LPAR3: variants seen among roughly 807,000 people sequenced by gnomAD.
LPAR3 encodes lysophosphatidic acid receptor 3.
LPAR3 carries 7 observed loss-of-function variants against 17.8 expected under a neutral mutation model. That is an observed-to-expected ratio of 0.39 (90% CI 0.22 to 0.74). LPAR3 has a LOEUF of 0.74. Ranked by LOEUF, LPAR3 falls within the 30% of genes least tolerant of loss-of-function variation. LPAR3 has a pLI of 0.40. For missense variants in LPAR3, 391 were observed against 453.4 expected (o/e 0.86, Z 1.25); for synonymous variants, 179 against 179.9 (o/e 0.99, Z 0.04).
chr1:84,835,431 G>A (rs563703298), intron 2 of LPAR3, among the ~76,000 whole-genome samples: 3 of 152,134 alleles, frequency 2.0e-5, no homozygotes, highest in Non-Finnish European at 4.4e-5. Context: ...CATCTTTGTG[G>A]AGTTGTGATT....
chr1:84,820,443 C>T (rs1298388517), intron 2 of LPAR3, among the ~76,000 whole-genome samples: 3 of 152,156 alleles, frequency 2.0e-5, no homozygotes, highest in East Asian at 1.9e-4. Flanking sequence ...GGGTCTCAGT[C>T]GAAGTGACAC....
At position 84,814,080 on chromosome 1, in the gene LPAR3, C is replaced by T; in HGVS notation, c.828G>A (p.Arg276=). 6.2e-7 allele frequency: 1 copy of T among 1,614,180 alleles called. No homozygotes were observed. The highest frequency in any genetic ancestry group is 8.5e-7 in the Non-Finnish European group (1 of 1,180,036). Residue 276 remains arginine (R), a synonymous_variant, in exon 3 of 3, where the codon AGG becomes AGA. Transcript: ENST00000370611. ...CRQCGVQHVK[R]WFLLLALLNS... is the part of the protein sequence containing the mutation. The stretch of plus-strand genomic sequence containing the variant: ...TGAGCAGCGCCAGCAGCAGGAACCA[C>T]CTTTTCACATGCTGCACGCCACACT...
chr1:84,863,688 C>A (rs554169215), intron 2 of LPAR3, among the ~76,000 whole-genome samples: 42 of 152,186 alleles, frequency 2.8e-4, no homozygotes, highest in Non-Finnish European at 5.3e-4. Flanking sequence ...ATCTCCAGCC[C>A]AGACCTAAAT....
chr1:84,855,047 G>A (rs1659791215), intron 2 of LPAR3, among the ~76,000 whole-genome samples: 1 of 152,194 alleles, frequency 6.6e-6, no homozygotes, highest in Non-Finnish European at 1.5e-5. Context: ...ACAACTGTCA[G>A]TGCAGGAGGG....
intron 2 of LPAR3, among the ~76,000 whole-genome samples, chr1:84,834,891 T>A (rs1221820009): frequency 5.9e-5 from 9 of 152,198 alleles, no homozygotes; most frequent in Non-Finnish European, 5.9e-5. Context: ...TTCACCTCAC[T>A]GCACCAGGCT....
chr1:84,825,525 G>A (rs747824282), intron 2 of LPAR3, among the ~76,000 whole-genome samples: 6 of 152,176 alleles, frequency 3.9e-5, no homozygotes, highest in African/African-American at 1.4e-4. Context: ...TAAATGGACA[G>A]GAATGTTAAG....
Position 84,812,876 on chromosome 1 carries a change from T to C in LPAR3, c.*970A>G, listed in dbSNP as rs993434376. Reference sequence around the variant, plus strand: ...GCAAGATTATCAGCTGGATGTTCCATAGGCACTTCAAACTTCACATTCTCT... The same window carrying C: ...GCAAGATTATCAGCTGGATGTTCCACAGGCACTTCAAACTTCACATTCTCT... On this transcript the variant is annotated 3_prime_UTR_variant, in exon 3 of 3. Transcript: ENST00000370611. The C allele has an allele frequency of 6.6e-6, 1 of 152,042 alleles. No individual in the cohort carries two copies. The highest frequency in any genetic ancestry group is 2.4e-5 in the African/African-American group (1 of 41,384). The allele number at this position is 152,042 out of a possible 1,614,324, so 9.4% of individuals were successfully genotyped here. A position where few individuals can be genotyped will look rare whatever the true frequency, so the allele number is the denominator to read the frequency against.
chr1:84,849,160 A>G (rs1057133573), intron 2 of LPAR3, among the ~76,000 whole-genome samples: 4 of 151,956 alleles, frequency 2.6e-5, no homozygotes, highest in Non-Finnish European at 5.9e-5. Flanking sequence ...GCGGATCACG[A>G]GGTCAAGAGA....
intron 1 of LPAR3, among the ~76,000 whole-genome samples, chr1:84,873,758 G>GT (rs5775802): frequency 0.042 from 5,897 of 141,356 alleles, 381 homozygotes; most frequent in African/African-American, 0.15. Flanking sequence ...TTGCTTGTTT[G>GT]TTTTTTTTTT....
intron 2 of LPAR3, among the ~76,000 whole-genome samples, chr1:84,855,458 G>A (rs991816339): frequency 6.6e-6 from 1 of 152,148 alleles, no homozygotes; most frequent in Non-Finnish European, 1.5e-5. Flanking sequence ...ATGTAGTTGG[G>A]TACTGGAACC....
At chr1:84,814,213 G>A in intron 2 of LPAR3, 42 bp from the exon 3 acceptor site, 1 of 1,536,076 alleles carries the variant, frequency 6.5e-7, no homozygotes, top group Non-Finnish European at 8.9e-7. Context: ...TCAGACCTTA[G>A]GGGACTTATT....
At chr1:84,846,351 T>C (rs561040958) in intron 2 of LPAR3, among the ~76,000 whole-genome samples, 3 of 152,322 alleles carry the variant, frequency 2.0e-5, no homozygotes, top group Admixed American at 2.0e-4. Flanking sequence ...ATTGCAGAAC[T>C]GCATACAATT....
At position 84,813,113 on chromosome 1, in the gene LPAR3, C is replaced by T. The variant is rs2102741451; in HGVS notation, c.*733G>A. On this transcript the variant is annotated 3_prime_UTR_variant, in exon 3 of 3. Transcript: ENST00000370611. ...ATCTTTGAACAAAATCAATAAAAAT[C>T]AGTAAAAACAGGAATATATATATAT... 1.2e-5 allele frequency: 1 copy of T among 84,922 alleles called. No individual in the cohort carries two copies. Among genetic ancestry groups the T allele is most frequent in the East Asian group, 2.8e-4 (1 of 3,568 alleles). The allele number at this position is 84,922 out of a possible 1,614,324, so 5.3% of individuals were successfully genotyped here. A position where few individuals can be genotyped will look rare whatever the true frequency, so the allele number is the denominator to read the frequency against.
intron 1 of LPAR3, among the ~76,000 whole-genome samples, chr1:84,874,940 C>G (rs1660228276): frequency 6.7e-6 from 1 of 150,196 alleles, no homozygotes; most frequent in Non-Finnish European, 1.5e-5. Context: ...AGCTCTGTCA[C>G]CCAGGCTGGA....
intron 2 of LPAR3, among the ~76,000 whole-genome samples, chr1:84,816,781 A>AGC (rs1343345288): frequency 6.6e-6 from 1 of 152,190 alleles, no homozygotes; most frequent in Non-Finnish European, 1.5e-5. Flanking sequence ...TGGGCAATAG[A>AGC]GCAAGACTCC....
chr1:84,884,955 C>T (rs1270989530), intron 1 of LPAR3, among the ~76,000 whole-genome samples: 1 of 152,212 alleles, frequency 6.6e-6, no homozygotes, highest in Admixed American at 6.5e-5. Flanking sequence ...CTAACGTTCT[C>T]TCACTGTTCA....
chr1:84,886,808 C>A (rs1236021023), intron 1 of LPAR3, among the ~76,000 whole-genome samples: 1 of 152,114 alleles, frequency 6.6e-6, no homozygotes, highest in East Asian at 1.9e-4. Context: ...TCCAGATGAT[C>A]TGGTGGAGCC....
rs547879870 is a variant in LPAR3, at chr1:84,823,552, T to G, written c.737-9381A>C. On this transcript the variant is annotated intron_variant, in intron 2 of 2. Transcript: ENST00000370611. ...AACAACTGGTTTTAGATACTTGTTT[T>G]AAACTTGTGGCCAGCTTTCCAGCTT... Among the ~76,000 whole-genome samples the G allele has an allele frequency of 7.9e-5, 12 of 152,292 alleles. No individual in the cohort carries two copies. In the South Asian group the frequency reaches 2.5e-3, roughly 32 times the overall value.
intron 2 of LPAR3, among the ~76,000 whole-genome samples, chr1:84,857,208 T>C (rs1331103897): frequency 1.3e-5 from 2 of 152,180 alleles, no homozygotes; most frequent in African/African-American, 4.8e-5. Context: ...AAAAGGGCAT[T>C]CTGCTTGAAT....
Sources: gnomAD v4.1 joint callset for allele counts (sites outside exome capture counted in the v4.1 genomes callset) on GRCh38, gnomAD v4.1.1 for gene constraint, MANE v1.5 for transcripts, NCBI Gene and HGNC (gene_info 2026-07-23, HGNC 2026-07-21) for gene names.